The following ERMP1 variants were observed in gnomAD, a reference collection of about 807,000 sequenced individuals.
The protein encoded by ERMP1 is endoplasmic reticulum metallopeptidase 1.
A neutral mutation model predicts 92.0 loss-of-function variants in ERMP1; 86 were observed. The ratio of observed to expected loss-of-function variants is 0.93; its 90% CI spans 0.79 to 1.12. The LOEUF is 1.12. Among genes scored for constraint, ERMP1 ranks in the 50% most tolerant of loss-of-function variants. The pLI, the probability that ERMP1 is intolerant of heterozygous loss-of-function variation, is 0.00. For synonymous variants in ERMP1, 530 were observed against 412.8 expected, an observed-to-expected ratio of 1.28 and a Z score of -3.44; for missense variants, 1,342 against 1,116.3, an observed-to-expected ratio of 1.20 and a Z score of -2.88.
intron 6 of ERMP1, among the ~76,000 whole-genome samples, chr9:5,840,732 G>C (rs1830153274): frequency 6.6e-6 from 1 of 152,206 alleles, no homozygotes; most frequent in South Asian, 2.1e-4. Flanking sequence ...CTGAGAAGTG[G>C]GGTTAATAGG....
chr9:5,856,393 G>A (rs573030448), intron 6 of ERMP1: 8 of 183,828 alleles, frequency 4.4e-5, no homozygotes, highest in Non-Finnish European at 7.1e-5. Flanking sequence ...AGGAGCGGCC[G>A]GAGGATGACC....
chr9:5,831,265 C>T (rs561563443), intron 1 of ERMP1, among the ~76,000 whole-genome samples: 46 of 152,310 alleles, frequency 3.0e-4, no homozygotes, highest in African/African-American at 1.1e-3. Context: ...CCACTCCCAA[C>T]TTCTCCCCAT....
At chr9:5,866,985 T>A (rs1007555842) in intron 5 of ERMP1, among the ~76,000 whole-genome samples, 1 of 152,186 alleles carries the variant, frequency 6.6e-6, no homozygotes, top group South Asian at 2.1e-4. Context: ...GCAGAAGGAT[T>A]GCTTGAACCC....
chr9:5,799,648 G>C (rs1158898456), intron 11 of ERMP1, among the ~76,000 whole-genome samples: 1 of 152,118 alleles, frequency 6.6e-6, no homozygotes, highest in Non-Finnish European at 1.5e-5. Flanking sequence ...TCATTTGTTT[G>C]GGTATACTCT....
At chr9:5,845,714 G>A (rs1586837212) in intron 6 of ERMP1, among the ~76,000 whole-genome samples, 1 of 152,200 alleles carries the variant, frequency 6.6e-6, no homozygotes, top group South Asian at 2.1e-4. Flanking sequence ...GTTGTAGGGT[G>A]CCCTCTTAGA....
Position 5,795,772 on chromosome 9 carries a change from T to A in ERMP1, c.2386+2045A>T, listed in dbSNP as rs1465560791. On this transcript the variant is annotated intron_variant, in intron 13 of 14. Transcript: ENST00000339450. ...CAGCCTAGGTGACAGAGTGAGACTG[T>A]CTCAAAAAAGAAAAAGAAAAAGAAA... 2.6e-5 allele frequency among the ~76,000 whole-genome samples: 4 copies of A among 151,656 alleles called. No individual in the cohort carries two copies. In the East Asian group the frequency reaches 7.7e-4, roughly 29 times the overall value.
chr9:5,833,359 A>C (rs1563775716), upstream of ERMP1, among the ~76,000 whole-genome samples: 2 of 152,176 alleles, frequency 1.3e-5, no homozygotes, highest in Non-Finnish European at 2.9e-5. Flanking sequence ...TTGAAAGAAC[A>C]CACAAGGCTC....
At chr9:5,852,287 A>T (rs1259898513) in intron 6 of ERMP1, among the ~76,000 whole-genome samples, 43 of 150,510 alleles carry the variant, frequency 2.9e-4, no homozygotes, top group Non-Finnish European at 8.9e-5. Flanking sequence ...TTTTCCAGAC[A>T]GCGTCTCATT....
chr9:5,830,480 T>C (rs757296555), intron 2 of ERMP1, among the ~76,000 whole-genome samples: 1 of 152,158 alleles, frequency 6.6e-6, no homozygotes, highest in Non-Finnish European at 1.5e-5. Context: ...ACCAGAAACA[T>C]TCCAAGTCTT....
At chr9:5,815,092 G>A (rs1384168912) in intron 4 of ERMP1, among the ~76,000 whole-genome samples, 1 of 152,152 alleles carries the variant, frequency 6.6e-6, no homozygotes, top group Non-Finnish European at 1.5e-5. Context: ...ACAGAAGATA[G>A]AATGGAGAAG....
intron 2 of ERMP1, among the ~76,000 whole-genome samples, chr9:5,827,251 C>T (rs1217494883): frequency 6.6e-6 from 1 of 152,136 alleles, no homozygotes; most frequent in Non-Finnish European, 1.5e-5. Context: ...AGGTGATAGT[C>T]TATTTCAGGG....
intron 6 of ERMP1, among the ~76,000 whole-genome samples, chr9:5,854,006 G>C (rs1458323586): frequency 1.3e-5 from 2 of 151,910 alleles, no homozygotes; most frequent in African/African-American, 4.8e-5. Flanking sequence ...TCACAGAAAA[G>C]AAGTGAAGAG....
At chr9:5,861,884 G>A (rs1830508293) in intron 5 of ERMP1, among the ~76,000 whole-genome samples, 1 of 152,016 alleles carries the variant, frequency 6.6e-6, no homozygotes. Flanking sequence ...CATGGGGCCA[G>A]TTGAGTGTAG....
rs1364428511 is a variant in ERMP1, at chr9:5,832,775, G to T, written c.253C>A (p.Arg85=). 1 of 1,500,172 alleles carries T rather than the reference G, an allele frequency of 6.7e-7. No homozygotes were observed. The allele number at this position is 1,500,172 out of a possible 1,614,324, so 92.9% of individuals were successfully genotyped here. The change falls in exon 1 of 15, where the codon CGG becomes AGG. Residue 85 remains arginine, a synonymous_variant. Coordinates refer to ENST00000339450, the MANE Select transcript of ERMP1 (RefSeq NM_024896.3). ...LGLALYLIAL[R]TLVQLSLQQL... Reference sequence around the variant, plus strand: ...TGCAGCGAGAGCTGCACCAGCGTCCGCAGCGCGATCAGGTAGAGCGCGAGC... The same window carrying T: ...TGCAGCGAGAGCTGCACCAGCGTCCTCAGCGCGATCAGGTAGAGCGCGAGC...
chr9:5,800,294 T>A (rs961681904), intron 11 of ERMP1, among the ~76,000 whole-genome samples: 8 of 152,186 alleles, frequency 5.3e-5, no homozygotes, highest in African/African-American at 1.9e-4. Context: ...AATTTAGCCA[T>A]CTCTAACAGA....
In ERMP1 at chr9:5,786,901, C is replaced by T. The variant is rs1827962268; in HGVS notation, c.*243G>A. On this transcript the variant is annotated 3_prime_UTR_variant, in exon 15 of 15. Coordinates refer to ENST00000339450, the MANE Select transcript of ERMP1 (RefSeq NM_024896.3). ...ATATAAAATGACGTGTGTGTAGTGG[C>T]AGTACCCACATGTGCTGAAGTGCCA... The T allele has an allele frequency of 5.7e-6, 2 of 353,658 alleles. No individual in the cohort carries two copies. Among genetic ancestry groups the T allele is most frequent in the South Asian group, 4.4e-5 (1 of 22,578 alleles). The allele number at this position is 353,658 out of a possible 1,614,324, so 21.9% of individuals were successfully genotyped here. A position where few individuals can be genotyped will look rare whatever the true frequency, so the allele number is the denominator to read the frequency against.
Position 5,832,851 on chromosome 9 carries a change from G to A in ERMP1, c.177C>T (p.Gly59=). 6.6e-7 allele frequency: 1 copy of A among 1,505,732 alleles called. No homozygotes were observed. The highest frequency in any genetic ancestry group is 8.8e-7 in the Non-Finnish European group (1 of 1,135,612). The allele number at this position is 1,505,732 out of a possible 1,614,324, so 93.3% of individuals were successfully genotyped here. The change falls in exon 1 of 15, where the codon GGC becomes GGT. Residue 59 remains glycine, a synonymous_variant. Transcript: ENST00000339450. ...TRKRSPGGSG[G]ASRGAGTGLS... is the part of the protein sequence containing the mutation. ...GCCCGGTCCCCGCGCCCCTGCTCGC[G>A]CCGCCGCTACCCCCGGGGCTCCTCT...
chr9:5,858,178 A>G (rs1312199837), intron 6 of ERMP1, among the ~76,000 whole-genome samples: 1 of 152,236 alleles, frequency 6.6e-6, no homozygotes, highest in South Asian at 2.1e-4. Context: ...AGCTTTCTGG[A>G]GGCAAGAAAG....
intron 2 of ERMP1, among the ~76,000 whole-genome samples, chr9:5,827,702 A>G (rs1018102532): frequency 1.3e-5 from 2 of 152,090 alleles, no homozygotes; most frequent in African/African-American, 4.8e-5. Flanking sequence ...TCTACTAACA[A>G]AAAAATAGCG....
Sources: allele counts gnomAD v4.1 joint callset (sites outside exome capture counted in the v4.1 genomes callset), GRCh38; gene constraint gnomAD v4.1.1; transcripts MANE v1.5; gene names NCBI Gene and HGNC (gene_info 2026-07-23, HGNC 2026-07-21).